Variants in RIMS1 observed in about 807,000 individuals in gnomAD.
RIMS1 encodes regulating synaptic membrane exocytosis protein 1.
A neutral mutation model predicts 214.1 loss-of-function variants in RIMS1; 83 were observed. That is an observed-to-expected ratio of 0.39 (90% CI 0.32 to 0.47). The LOEUF is 0.47. Among genes scored for constraint, RIMS1 ranks in the 20% least tolerant of loss-of-function variants. RIMS1 has a pLI of 0.99. For missense variants in RIMS1, 2,050 were observed against 2,161.8 expected (o/e 0.95, Z 1.03); for synonymous variants, 793 against 786.8 (o/e 1.01, Z -0.13).
intron 4 of RIMS1, among the ~76,000 whole-genome samples, chr6:72,107,196 AC>A (rs2034933251): frequency 6.6e-6 from 1 of 152,136 alleles, no homozygotes; most frequent in South Asian, 2.1e-4. Context: ...GAATATATAC[AC>A]CCTTGAATAC....
intron 6 of RIMS1, among the ~76,000 whole-genome samples, chr6:72,188,693 A>AC (rs1385861283): frequency 1.3e-5 from 2 of 152,102 alleles, no homozygotes; most frequent in East Asian, 3.9e-4. Flanking sequence ...TGGTAGAGTC[A>AC]CCCAGACCAT....
intron 28 of RIMS1, among the ~76,000 whole-genome samples, chr6:72,322,228 C>T (rs181309442): frequency 2.6e-5 from 4 of 152,182 alleles, no homozygotes; most frequent in Non-Finnish European, 4.4e-5. Context: ...CCTGGAGCAC[C>T]TTGAAACAGT....
chr6:72,277,020 A>G (rs1224377664), intron 23 of RIMS1, among the ~76,000 whole-genome samples: 1 of 152,230 alleles, frequency 6.6e-6, no homozygotes, highest in African/African-American at 2.4e-5. Flanking sequence ...TCAACTTTGG[A>G]TATCTTCTAT....
intron 26 of RIMS1, among the ~76,000 whole-genome samples, chr6:72,294,339 A>C (rs2154257923): frequency 6.6e-6 from 1 of 151,900 alleles, no homozygotes; most frequent in South Asian, 2.1e-4. Flanking sequence ...GTTAAACTTT[A>C]GTTCCATCTC....
intron 26 of RIMS1, 131 bp downstream of exon 26, chr6:72,292,177 T>TA: frequency 1.6e-6 from 1 of 624,164 alleles, no homozygotes. Context: ...TTGATTTTCT[T>TA]ACAGTTTTAT....
At chr6:72,237,496 A>G (rs1401836089) in intron 8 of RIMS1, among the ~76,000 whole-genome samples, 2 of 151,970 alleles carry the variant, frequency 1.3e-5, no homozygotes, top group African/African-American at 4.8e-5. Flanking sequence ...GCAACATGGC[A>G]AGACCTTGTC....
chr6:72,372,053 G>A (rs1402882200), intron 29 of RIMS1, among the ~76,000 whole-genome samples: 1 of 152,132 alleles, frequency 6.6e-6, no homozygotes, highest in Non-Finnish European at 1.5e-5. Context: ...CAATCTTAAA[G>A]GCTGTTTCAA....
At chr6:72,312,005 A>G (rs1350412226) in intron 27 of RIMS1, among the ~76,000 whole-genome samples, 1 of 152,198 alleles carries the variant, frequency 6.6e-6, no homozygotes, top group Non-Finnish European at 1.5e-5. Flanking sequence ...TTAATGTTTC[A>G]GTCCTAAACT....
chr6:72,013,949 C>T (rs745807473), intron 2 of RIMS1, among the ~76,000 whole-genome samples: 3 of 152,074 alleles, frequency 2.0e-5, no homozygotes, highest in Non-Finnish European at 2.9e-5. Context: ...ATTTGCTGAA[C>T]CTAGACATGT....
chr6:72,228,092 G>A (rs1214410313), intron 6 of RIMS1, among the ~76,000 whole-genome samples: 1 of 151,882 alleles, frequency 6.6e-6, no homozygotes, highest in Non-Finnish European at 1.5e-5. Context: ...CACATTCTGT[G>A]CCATAAACAT....
intron 29 of RIMS1, among the ~76,000 whole-genome samples, chr6:72,338,480 A>G (rs2096925692): frequency 6.6e-6 from 1 of 152,112 alleles, no homozygotes; most frequent in Non-Finnish European, 1.5e-5. Flanking sequence ...GGATCTAATT[A>G]AACTGAAGAG....
chr6:71,891,647 G>A (rs1769922569), intron 1 of RIMS1, among the ~76,000 whole-genome samples: 1 of 152,026 alleles, frequency 6.6e-6, no homozygotes, highest in Admixed American at 6.6e-5. Context: ...ATGTATGCAG[G>A]TATCATATTT....
At chr6:71,905,696 G>A (rs940893016) in intron 1 of RIMS1, among the ~76,000 whole-genome samples, 1 of 152,104 alleles carries the variant, frequency 6.6e-6, no homozygotes, top group Non-Finnish European at 1.5e-5. Flanking sequence ...TGAGAAGAGC[G>A]TTAGCAGCCA....
chr6:72,032,945 C>T (rs543930020), intron 2 of RIMS1, among the ~76,000 whole-genome samples: 1 of 152,050 alleles, frequency 6.6e-6, no homozygotes, highest in East Asian at 1.9e-4. Context: ...CCAGGGAGTT[C>T]TAAAGAAGAA....
At chr6:72,163,153 A>G (rs2045717358) in intron 4 of RIMS1, among the ~76,000 whole-genome samples, 1 of 139,464 alleles carries the variant, frequency 7.2e-6, no homozygotes, top group African/African-American at 2.5e-5. Flanking sequence ...CATCACTGAT[A>G]CCCTTTCTTC....
intron 2 of RIMS1, among the ~76,000 whole-genome samples, chr6:72,057,383 A>G (rs1021177510): frequency 5.9e-5 from 9 of 152,052 alleles, no homozygotes; most frequent in Admixed American, 2.6e-4. Flanking sequence ...CAGTGTTTGG[A>G]TGCAGCAAAT....
At chr6:72,230,775 C>G (rs2061686652) in intron 6 of RIMS1, among the ~76,000 whole-genome samples, 1 of 151,522 alleles carries the variant, frequency 6.6e-6, no homozygotes, top group Non-Finnish European at 1.5e-5. Context: ...TAATAACCTA[C>G]TTTTTCACAA....
At chr6:72,023,755 C>T (rs1161815395) in intron 2 of RIMS1, among the ~76,000 whole-genome samples, 1 of 151,758 alleles carries the variant, frequency 6.6e-6, no homozygotes, top group Non-Finnish European at 1.5e-5. Flanking sequence ...ATATTGAAAC[C>T]AAATTTATTT....
intron 9 of RIMS1, among the ~76,000 whole-genome samples, chr6:72,238,741 A>G (rs1474784112): frequency 1.3e-5 from 2 of 152,182 alleles, no homozygotes; most frequent in African/African-American, 4.8e-5. Flanking sequence ...GCTGAGCTGT[A>G]GAATTAAAGA....
Sources: allele counts gnomAD v4.1 joint callset (sites outside exome capture counted in the v4.1 genomes callset), GRCh38; gene constraint gnomAD v4.1.1; transcripts MANE v1.5; gene names NCBI Gene and HGNC (gene_info 2026-07-23, HGNC 2026-07-21).